Variants in WWOX observed in about 807,000 individuals in gnomAD.
WWOX encodes WW domain-containing oxidoreductase.
Under a neutral mutation model 46.2 loss-of-function variants are expected in WWOX, and 69 were observed. That is an observed-to-expected ratio of 1.49 (90% CI 1.23 to 1.82). The LOEUF (loss-of-function observed/expected upper bound fraction) is 1.82. WWOX is among the 40% of genes most tolerant of loss of function. The pLI is 0.00. For synonymous variants in WWOX, 359 were observed against 202.6 expected (o/e 1.77, Z -6.56); for missense variants, 919 against 542.6 (o/e 1.69, Z -6.89).
chr16:78,133,204 A>T (rs937320351), intron 4 of WWOX, among the ~76,000 whole-genome samples: 1 of 152,208 alleles, frequency 6.6e-6, no homozygotes, highest in African/African-American at 2.4e-5. Flanking sequence ...CTTTTTAAAA[A>T]ACCTTATCCG....
At chr16:78,306,099 G>A (rs1422150866) in intron 5 of WWOX, among the ~76,000 whole-genome samples, 1 of 151,920 alleles carries the variant, frequency 6.6e-6, no homozygotes, top group Non-Finnish European at 1.5e-5. Flanking sequence ...GCGTCTCGCT[G>A]CCTGTCTTCC....
At chr16:78,310,195 A>G (rs1297808714) in intron 5 of WWOX, among the ~76,000 whole-genome samples, 2 of 152,016 alleles carry the variant, frequency 1.3e-5, no homozygotes, top group African/African-American at 4.8e-5. Context: ...AAGAACATTT[A>G]TTGTGTTTCC....
intron 8 of WWOX, among the ~76,000 whole-genome samples, chr16:78,613,867 T>C (rs1012165692): frequency 6.6e-6 from 1 of 152,182 alleles, no homozygotes; most frequent in Non-Finnish European, 1.5e-5. Flanking sequence ...ATTACAGGGG[T>C]CAGCAAATTC....
intron 8 of WWOX, among the ~76,000 whole-genome samples, chr16:79,095,827 C>G (rs147252740): frequency 5.3e-5 from 8 of 151,330 alleles, no homozygotes; most frequent in East Asian, 2.0e-4. Flanking sequence ...GCCCTCGCCT[C>G]CCGCCTGGAT....
intron 5 of WWOX, among the ~76,000 whole-genome samples, chr16:78,321,390 A>G (rs1213796860): frequency 1.0e-5 from 1 of 100,118 alleles, no homozygotes; most frequent in African/African-American, 5.3e-5. Context: ...GCGTATATAT[A>G]TACGTATATA....
intron 8 of WWOX, among the ~76,000 whole-genome samples, chr16:78,542,945 G>C (rs1451330119): frequency 2.0e-5 from 3 of 152,204 alleles, no homozygotes; most frequent in South Asian, 4.1e-4. Flanking sequence ...AGAAAAATGA[G>C]AGGAGGAGAG....
intron 5 of WWOX, among the ~76,000 whole-genome samples, chr16:78,295,710 T>TAAAA (rs2079934568): frequency 7.3e-6 from 1 of 137,916 alleles, no homozygotes; most frequent in African/African-American, 2.9e-5. Flanking sequence ...GACTCAGTCT[T>TAAAA]AAAAAACAAA....
At chr16:78,131,491 A>G (rs2033591289) in intron 4 of WWOX, among the ~76,000 whole-genome samples, 2 of 152,222 alleles carry the variant, frequency 1.3e-5, no homozygotes, top group African/African-American at 4.8e-5. Flanking sequence ...CTGGGATTAC[A>G]GGTGTGAGCC....
At chr16:78,308,706 A>G (rs2080178962) in intron 5 of WWOX, among the ~76,000 whole-genome samples, 1 of 152,038 alleles carries the variant, frequency 6.6e-6, no homozygotes, top group South Asian at 2.1e-4. Context: ...TTGATAAGAG[A>G]TATTTACCAT....
Position 78,678,395 on chromosome 16 carries a change from T to G in WWOX, c.1056+245643T>G, listed in dbSNP as rs376741555. On this transcript the variant is annotated intron_variant, in intron 8 of 8. Coordinates refer to ENST00000566780, the MANE Select transcript of WWOX (RefSeq NM_016373.4). ...TCTGTCTAAAAATATTTATCTATAT[T>G]GAGTGAATAAATGAATGAATGGATT... Among the ~76,000 whole-genome samples, 7 of 152,144 alleles carry G rather than the reference T, an allele frequency of 4.6e-5. No individual in the cohort carries two copies. In the South Asian group the frequency reaches 1.2e-3, roughly 27 times the overall value.
chr16:78,278,840 G>C lies in WWOX; in HGVS notation c.517-108020G>C, dbSNP rs76484313. ...TTATCAGTTTGCAGTTATGCTTTAC[G>C]ACTCTTCAGGTGACTAAAGAAAAAG... On this transcript the variant is annotated intron_variant, in intron 5 of 8. Coordinates refer to ENST00000566780, the MANE Select transcript of WWOX (RefSeq NM_016373.4). 9.8e-4 allele frequency: 601 copies of C among 613,672 alleles called. 5 individuals are homozygous for C. In the East Asian group the frequency reaches 0.016, roughly 17 times the overall value. The allele number at this position is 613,672 out of a possible 1,614,324, so 38.0% of individuals were successfully genotyped here.
chr16:79,131,252 A>T (rs573594895), intron 8 of WWOX, among the ~76,000 whole-genome samples: 2 of 152,272 alleles, frequency 1.3e-5, no homozygotes, highest in East Asian at 3.9e-4. Context: ...AGAGTGAGAC[A>T]CAAAATATTA....
intron 8 of WWOX, among the ~76,000 whole-genome samples, chr16:78,715,455 T>C (rs144710927): frequency 0.014 from 2,177 of 151,782 alleles, 21 homozygotes; most frequent in South Asian, 0.035. Flanking sequence ...TGGGTCTGAC[T>C]CCACCCCACC....
intron 8 of WWOX, among the ~76,000 whole-genome samples, chr16:78,903,559 G>T (rs745416712): frequency 6.6e-6 from 1 of 152,176 alleles, no homozygotes; most frequent in Non-Finnish European, 1.5e-5. Context: ...CAAAAGAGTA[G>T]CCCCTCCTCC....
At chr16:78,522,143 T>TAAA (rs76799048) in intron 8 of WWOX, among the ~76,000 whole-genome samples, 2,334 of 136,678 alleles carry the variant, frequency 0.017, 59 homozygotes, top group African/African-American at 0.06. Flanking sequence ...TGGAAGGCTT[T>TAAA]AAAAAAAAAA....
chr16:79,010,824 G>T (rs557686961), intron 8 of WWOX, among the ~76,000 whole-genome samples: 1 of 151,250 alleles, frequency 6.6e-6, no homozygotes, highest in South Asian at 2.1e-4. Context: ...GCGGGGGTGG[G>T]GGTTCAGTGA....
intron 5 of WWOX, among the ~76,000 whole-genome samples, chr16:78,188,812 C>T (rs982820916): frequency 1.3e-5 from 2 of 152,104 alleles, no homozygotes; most frequent in African/African-American, 2.4e-5. Flanking sequence ...GTGGTTTTCC[C>T]TGGGATCACT....
chr16:78,861,016 T>C (rs2043872923), intron 8 of WWOX, among the ~76,000 whole-genome samples: 1 of 152,084 alleles, frequency 6.6e-6, no homozygotes, highest in Non-Finnish European at 1.5e-5. Context: ...GATGGGGTTT[T>C]GCCATGTTTC....
intron 8 of WWOX, among the ~76,000 whole-genome samples, chr16:78,993,938 G>A (rs1205469171): frequency 6.6e-6 from 1 of 152,154 alleles, no homozygotes; most frequent in South Asian, 2.1e-4. Context: ...TCCCCCGTGG[G>A]AACAGTGTGG....
Sources: allele counts gnomAD v4.1 joint callset (sites outside exome capture counted in the v4.1 genomes callset), GRCh38; gene constraint gnomAD v4.1.1; transcripts MANE v1.5; gene names NCBI Gene and HGNC (gene_info 2026-07-23, HGNC 2026-07-21).